AK3: variants seen among roughly 807,000 people sequenced by gnomAD.
The protein encoded by AK3 is GTP:AMP phosphotransferase AK3, mitochondrial.
AK3 carries 27 observed loss-of-function variants against 23.7 expected under a neutral mutation model. That is an observed-to-expected ratio of 1.14 (90% confidence interval 0.84 to 1.57). AK3 has a LOEUF of 1.57. Among genes scored for constraint, AK3 ranks in the 40% most tolerant of loss-of-function variants. The pLI, the probability that AK3 is intolerant of heterozygous loss-of-function variation, is 0.00. For synonymous variants in AK3, 159 were observed against 116.0 expected (o/e 1.37, Z -2.38); for missense variants, 406 against 285.6 (o/e 1.42, Z -3.04).
intron 4 of AK3, among the ~76,000 whole-genome samples, chr9:4,714,111 TAC>T (rs1172928930): frequency 0.03 from 274 of 9,100 alleles, 3 homozygotes; most frequent in African/African-American, 0.095. Context: ...CCTACACATA[TAC>T]ACACCTCCAC....
intron 4 of AK3, among the ~76,000 whole-genome samples, chr9:4,715,309 G>A (rs535603843): frequency 1.3e-5 from 2 of 149,942 alleles, no homozygotes; most frequent in Admixed American, 6.7e-5. Flanking sequence ...AAGGAGCCTA[G>A]AAAGACTTCT....
In AK3 at chr9:4,736,362, T is replaced by C. The variant is rs191386858; in HGVS notation, c.151+4575A>G. Among the ~76,000 whole-genome samples the C allele has an allele frequency of 9.8e-4, 149 of 151,812 alleles. 1 individual carries two copies. Among genetic ancestry groups the C allele is most frequent in the African/African-American group, 3.4e-3 (141 of 41,366 alleles). ...AAAAACACATACACAAAGAGAAGCA[T>C]AGGTAAACATTTGATTGTATAAGCA... On this transcript the variant is annotated intron_variant, in intron 1 of 4. Transcript: ENST00000381809.
chr9:4,728,904 T>C lies in AK3; in HGVS notation c.152-6279A>G. ...ACACATACATATATATACACATACTTATATATATACATACATATAAATATA... is the reference window on the plus strand; with the variant it reads ...ACACATACATATATATACACATACTCATATATATACATACATATAAATATA... On this transcript the variant is annotated intron_variant, in intron 1 of 4. Coordinates refer to ENST00000381809, the MANE Select transcript of AK3 (RefSeq NM_016282.4). Among the ~76,000 whole-genome samples the C allele has an allele frequency of 1.4e-5, 2 of 146,740 alleles. 1 individual carries two copies. The highest frequency in any genetic ancestry group is 3.9e-4 in the East Asian group (2 of 5,076).
At chr9:4,734,861 C>T (rs1842233533) in intron 1 of AK3, among the ~76,000 whole-genome samples, 1 of 152,024 alleles carries the variant, frequency 6.6e-6, no homozygotes, top group African/African-American at 2.4e-5. Context: ...TGTGGATGAG[C>T]CTTGAAAACA....
chr9:4,715,863 C>T (rs1026131525), intron 4 of AK3, among the ~76,000 whole-genome samples: 2 of 152,216 alleles, frequency 1.3e-5, no homozygotes, highest in Non-Finnish European at 2.9e-5. Flanking sequence ...CTCCACCAAA[C>T]TCAGTCGACG....
At chr9:4,729,010 TATATA>T (rs1563793471) in intron 1 of AK3, among the ~76,000 whole-genome samples, 1 of 108,692 alleles carries the variant, frequency 9.2e-6, no homozygotes, top group Admixed American at 8.7e-5. Context: ...TATATATATA[TATATA>T]TTTTTTTTTT....
chr9:4,739,578 G>C (rs528667167), intron 1 of AK3, among the ~76,000 whole-genome samples: 9 of 151,524 alleles, frequency 5.9e-5, no homozygotes, highest in Admixed American at 4.0e-4. Context: ...CAGACACAAA[G>C]TGAAACCACA....
chr9:4,733,353 A>G (rs567331769), intron 1 of AK3, among the ~76,000 whole-genome samples: 1 of 152,342 alleles, frequency 6.6e-6, no homozygotes, highest in African/African-American at 2.4e-5. Flanking sequence ...CCTTTCTCAA[A>G]TAATAAACAC....
At position 4,728,727 on chromosome 9, in the gene AK3, G is replaced by A. The variant is rs1842074151; in HGVS notation, c.152-6102C>T. 4.6e-5 allele frequency among the ~76,000 whole-genome samples: 7 copies of A among 151,206 alleles called. No homozygotes were observed. The South Asian group carries it at 1.5e-3, about 32-fold the overall frequency. ...ACACAGTTACCAAGCCCTGTGTGGT[G>A]ATTCACACCTGCAATCCCAGCACTT... On this transcript the variant is annotated intron_variant, in intron 1 of 4. Transcript: ENST00000381809.
intron 4 of AK3, among the ~76,000 whole-genome samples, chr9:4,714,205 T>TCCACACATAA (rs1563781400): frequency 1.3e-5 from 1 of 78,240 alleles, no homozygotes; most frequent in Non-Finnish European, 2.7e-5. Context: ...CCTCCACATA[T>TCCACACATAA]ACACCTCCAC....
intron 1 of AK3, among the ~76,000 whole-genome samples, chr9:4,728,866 T>TACACACACACACACAC (rs57364192): frequency 1.6e-4 from 14 of 87,862 alleles, no homozygotes; most frequent in African/African-American, 4.1e-4. Context: ...TATATATATA[T>TACACACACACACACAC]ACACACACAC....
intron 1 of AK3, among the ~76,000 whole-genome samples, chr9:4,725,424 T>C (rs1457801899): frequency 1.3e-5 from 2 of 152,102 alleles, no homozygotes; most frequent in Non-Finnish European, 2.9e-5. Context: ...AAAAAATAGA[T>C]ACATTAGACT....
intron 2 of AK3, among the ~76,000 whole-genome samples, chr9:4,719,861 TTCAAGACCAGC>T (rs1415784587): frequency 6.6e-6 from 1 of 151,532 alleles, no homozygotes; most frequent in East Asian, 1.9e-4. Context: ...AGCTCAGGAG[TTCAAGACCAGC>T]CTAGCCAACA....
intron 1 of AK3, among the ~76,000 whole-genome samples, chr9:4,740,648 T>C (rs1756867): frequency 0.55 from 84,050 of 151,944 alleles, 25,791 homozygotes; most frequent in Admixed American, 0.68. Flanking sequence ...TGGGAGGACT[T>C]GGGCCTCTGA....
chr9:4,717,908 T>C (rs1227575745), intron 4 of AK3, among the ~76,000 whole-genome samples: 1 of 152,224 alleles, frequency 6.6e-6, no homozygotes, highest in African/African-American at 2.4e-5. Context: ...TGGATGAGAC[T>C]GTCGCACTGC....
At chr9:4,722,119 C>T (rs758070389) in intron 2 of AK3, among the ~76,000 whole-genome samples, 40 of 152,226 alleles carry the variant, frequency 2.6e-4, no homozygotes, top group Middle Eastern at 3.4e-3. Context: ...CTTTTGTGTC[C>T]TCTCTATATT....
intron 1 of AK3, among the ~76,000 whole-genome samples, chr9:4,734,956 A>G (rs534879086): frequency 2.6e-4 from 40 of 151,894 alleles, no homozygotes; most frequent in African/African-American, 9.5e-4. Flanking sequence ...AGAAAACTCA[A>G]AAGAGACAGG....
At chr9:4,735,055 G>C (rs67350339) in intron 1 of AK3, among the ~76,000 whole-genome samples, 25,396 of 151,202 alleles carry the variant, frequency 0.17, 2,763 homozygotes, top group East Asian at 0.45. Flanking sequence ...TTCTTTTATG[G>C]GGTGATGGGT....
intron 4 of AK3, among the ~76,000 whole-genome samples, chr9:4,715,269 G>C (rs1029408720): frequency 6.7e-6 from 1 of 149,942 alleles, no homozygotes; most frequent in Non-Finnish European, 1.5e-5. Flanking sequence ...AGAAAAGCTT[G>C]AATTAACAGC....
Sources: gnomAD v4.1 joint callset for allele counts (sites outside exome capture counted in the v4.1 genomes callset) on GRCh38, gnomAD v4.1.1 for gene constraint, MANE v1.5 for transcripts, NCBI Gene and HGNC (gene_info 2026-07-23, HGNC 2026-07-21) for gene names.